The following RANBP17 variants were observed in gnomAD, a reference collection of about 807,000 sequenced individuals.
The protein encoded by RANBP17 is RAN binding protein 17.
A neutral mutation model predicts 141.2 loss-of-function variants in RANBP17; 158 were observed. That is an observed-to-expected ratio of 1.12 (90% CI 0.98 to 1.28). RANBP17 has a LOEUF of 1.28. Ranked by LOEUF, RANBP17 falls within the 50% of genes most tolerant of loss-of-function variation. RANBP17 has a pLI of 0.00. For synonymous variants in RANBP17, 430 were observed against 450.0 expected (o/e 0.96, Z 0.56); for missense variants, 1,438 against 1,290.7 (o/e 1.11, Z -1.75).
rs1183102558 is a variant in RANBP17, at chr5:171,088,735, T to C, written c.1711-81395T>C. Among the ~76,000 whole-genome samples, 68 of 152,264 alleles carry C rather than the reference T, an allele frequency of 4.5e-4. No homozygotes were observed. The East Asian group carries it at 0.013, about 28-fold the overall frequency. On this transcript the variant is annotated intron_variant, in intron 14 of 27. Transcript: ENST00000523189. ...ATTTCATCTTCCATCACTGATACCCTTTCTTCCAGTTGATCGCATCGGCTC... is the reference window on the plus strand; with the variant it reads ...ATTTCATCTTCCATCACTGATACCCCTTCTTCCAGTTGATCGCATCGGCTC...
intron 16 of RANBP17, among the ~76,000 whole-genome samples, chr5:171,181,480 C>T (rs1358108331): frequency 2.6e-5 from 4 of 151,734 alleles, no homozygotes; most frequent in African/African-American, 9.7e-5. Flanking sequence ...AAACACAGTG[C>T]ACTGAGCACC....
chr5:171,007,153 CAG>C (rs1213272852), intron 14 of RANBP17, among the ~76,000 whole-genome samples: 1 of 152,082 alleles, frequency 6.6e-6, no homozygotes, highest in East Asian at 1.9e-4. Flanking sequence ...AATTGTAGGA[CAG>C]AGTTAGATAT....
intron 14 of RANBP17, among the ~76,000 whole-genome samples, chr5:171,083,696 C>T (rs2127713279): frequency 6.6e-6 from 1 of 152,252 alleles, no homozygotes; most frequent in Middle Eastern, 3.4e-3. Flanking sequence ...TCTTGAATTC[C>T]CACATGTTGT....
intron 14 of RANBP17, among the ~76,000 whole-genome samples, chr5:171,061,131 T>C (rs938260764): frequency 1.3e-5 from 2 of 152,172 alleles, no homozygotes; most frequent in Non-Finnish European, 2.9e-5. Context: ...TTCATTGATT[T>C]TTGGAAGGGT....
At chr5:171,065,720 A>G (rs1034876891) in intron 14 of RANBP17, among the ~76,000 whole-genome samples, 1 of 152,110 alleles carries the variant, frequency 6.6e-6, no homozygotes, top group African/African-American at 2.4e-5. Context: ...TTGATTTGAT[A>G]GCTTATTCTT....
chr5:171,029,683 C>A lies in RANBP17; in HGVS notation c.1710+61306C>A, dbSNP rs78718368. Among the ~76,000 whole-genome samples, 1,156 of 152,144 alleles carry A rather than the reference C, an allele frequency of 7.6e-3. 13 individuals are homozygous for A. The highest frequency in any genetic ancestry group is 0.027 in the African/African-American group (1,105 of 41,526). ...ATCCAGTTTTGTACCTTGATGCTAT[C>A]TTACAACTTGGGAAGTAAATTAGGT... On this transcript the variant is annotated intron_variant, in intron 14 of 27. Transcript: ENST00000523189.
intron 14 of RANBP17, among the ~76,000 whole-genome samples, chr5:171,069,986 T>G (rs1286297689): frequency 6.6e-6 from 1 of 152,138 alleles, no homozygotes; most frequent in Admixed American, 6.6e-5. Flanking sequence ...AATATAATAT[T>G]ATCAAGAATA....
intron 22 of RANBP17, among the ~76,000 whole-genome samples, chr5:171,225,289 A>G (rs868552473): frequency 7.2e-5 from 11 of 152,370 alleles, no homozygotes; most frequent in Non-Finnish European, 1.3e-4. Flanking sequence ...CAAAGTTTCA[A>G]TGAAAAAAAT....
intron 20 of RANBP17, among the ~76,000 whole-genome samples, chr5:171,209,930 A>G (rs1340278621): frequency 1.3e-5 from 2 of 152,212 alleles, no homozygotes; most frequent in Admixed American, 6.5e-5. Flanking sequence ...GGTATTAACA[A>G]CTGATGAATA....
chr5:171,205,476 T>C, intron 19 of RANBP17, 48 bp from the exon 20 acceptor site: 4 of 1,469,434 alleles, frequency 2.7e-6, no homozygotes, highest in Non-Finnish European at 3.8e-6. Context: ...CTCCATCTGC[T>C]CTGCGCTAAC....
Position 171,242,789 on chromosome 5 carries a change from C to T in RANBP17, c.2745C>T (p.Leu915=), listed in dbSNP as rs1764972344. 6.2e-7 allele frequency: 1 copy of T among 1,613,784 alleles called. No individual in the cohort carries two copies. Among genetic ancestry groups the T allele is most frequent in the Non-Finnish European group, 8.5e-7 (1 of 1,179,774 alleles). The change falls in exon 24 of 28, where the codon CTC becomes CTT. Residue 915 remains leucine (L), a synonymous_variant. Transcript: ENST00000523189. ...AGCCTCCTGTACTCATGTATGTTCT[C>T]ACATCTATCTCAGAGGGACTCACTA... ...NLEPPVLMYV[L]TSISEGLTTL...
chr5:171,143,887 CAGAA>C (rs932392207), intron 14 of RANBP17, among the ~76,000 whole-genome samples: 2 of 152,124 alleles, frequency 1.3e-5, no homozygotes, highest in African/African-American at 4.8e-5. Context: ...GAACAGTAGA[CAGAA>C]AGCCATGCGA....
intron 18 of RANBP17, among the ~76,000 whole-genome samples, chr5:171,185,582 T>C (rs1325803351): frequency 4.6e-5 from 7 of 152,242 alleles, no homozygotes. Context: ...ACACCACTTT[T>C]GGTCATCCAG....
chr5:171,225,451 T>C (rs1420722749), intron 22 of RANBP17, among the ~76,000 whole-genome samples: 1 of 152,246 alleles, frequency 6.6e-6, no homozygotes, highest in Non-Finnish European at 1.5e-5. Context: ...CTGTAATGTT[T>C]TATTACCCAG....
intron 24 of RANBP17, among the ~76,000 whole-genome samples, chr5:171,253,325 A>C (rs1205808405): frequency 6.6e-6 from 1 of 152,226 alleles, no homozygotes; most frequent in East Asian, 1.9e-4. Flanking sequence ...TTGGGGGTGC[A>C]GTAGAAAGAA....
chr5:171,267,619 C>G (rs755001888), intron 25 of RANBP17, among the ~76,000 whole-genome samples: 5 of 151,892 alleles, frequency 3.3e-5, no homozygotes, highest in Non-Finnish European at 4.4e-5. Context: ...CCAGCCTGGC[C>G]AATATGGCGA....
At chr5:171,174,301 A>G (rs1398782743) in intron 16 of RANBP17, among the ~76,000 whole-genome samples, 5 of 152,136 alleles carry the variant, frequency 3.3e-5, no homozygotes, top group African/African-American at 1.2e-4. Context: ...CTCTGTACAG[A>G]GCCAGCCCGC....
At chr5:171,078,225 T>A (rs1208751237) in intron 14 of RANBP17, among the ~76,000 whole-genome samples, 3 of 151,218 alleles carry the variant, frequency 2.0e-5, no homozygotes, top group Non-Finnish European at 2.9e-5. Flanking sequence ...CTCTGCCTCC[T>A]GGGTTCAAGT....
intron 1 of RANBP17, 54 bp downstream of exon 1, chr5:170,862,105 G>T: frequency 7.1e-7 from 1 of 1,417,276 alleles, no homozygotes; most frequent in East Asian, 3.1e-5. Context: ...GAACCCGGCG[G>T]GACGCGTCTG....
Sources: gnomAD v4.1 joint callset for allele counts (sites outside exome capture counted in the v4.1 genomes callset) on GRCh38, gnomAD v4.1.1 for gene constraint, MANE v1.5 for transcripts, NCBI Gene and HGNC (gene_info 2026-07-23, HGNC 2026-07-21) for gene names.